The following PIGS variants were observed in gnomAD, a reference collection of about 807,000 sequenced individuals.
PIGS encodes the protein GPI-anchor transamidase component PIGS.
In PIGS, 37 loss-of-function variants were observed where a neutral mutation model predicts 58.2. The ratio of observed to expected loss-of-function variants is 0.64; its 90% CI spans 0.49 to 0.84. The LOEUF is 0.84. Ranked by LOEUF, PIGS falls within the 40% of genes least tolerant of loss-of-function variation. PIGS has a pLI of 0.00. For synonymous variants in PIGS, 269 were observed against 289.2 expected (o/e 0.93, Z 0.71); for missense variants, 629 against 710.8 (o/e 0.88, Z 1.31).
In PIGS at chr17:28,555,052, A is replaced by T. The variant is rs747896218; in HGVS notation, c.1191T>A (p.Phe397Leu). 1 of 1,612,608 alleles carries T rather than the reference A, an allele frequency of 6.2e-7. No homozygotes were observed. Among genetic ancestry groups the T allele is most frequent in the African/African-American group, 1.3e-5 (1 of 74,994 alleles). The change falls in exon 11 of 12, where the codon TTT becomes TTA. Residue 397 changes from phenylalanine (F) to leucine (L), a missense_variant. Coordinates refer to ENST00000308360, the MANE Select transcript of PIGS (RefSeq NM_033198.4). ...EVFLAQLRLLFGIAQPQLPPK... is the reference protein window; with the variant it reads ...EVFLAQLRLLLGIAQPQLPPK... ...GAGGCAGCTGGGGCTGAGCAATCCC[A>T]AAGAGCAACCTGTAGGAACATCGGA...
intron 3 of PIGS, among the ~76,000 whole-genome samples, chr17:28,569,474 CA>C (rs767305172): frequency 0.022 from 1,481 of 66,138 alleles, no homozygotes; most frequent in African/African-American, 0.042. Context: ...GACCCTTTCT[CA>C]AAAAAAAAAA....
At chr17:28,569,390 G>A (rs1055608313) in intron 3 of PIGS, among the ~76,000 whole-genome samples, 2 of 149,904 alleles carry the variant, frequency 1.3e-5, no homozygotes, top group South Asian at 2.1e-4. Flanking sequence ...TGGGAGGATC[G>A]CTTGAGCCCA....
chr17:28,561,929 G>T, intron 5 of PIGS: 1 of 300,234 alleles, frequency 3.3e-6, no homozygotes, highest in Non-Finnish European at 6.2e-6. Context: ...CAAGAAAAGC[G>T]GAATAAACAG....
At chr17:28,563,310 T>C in intron 5 of PIGS, 121 bp downstream of exon 5, 1 of 908,368 alleles carries the variant, frequency 1.1e-6, no homozygotes, top group Admixed American at 2.4e-5. Flanking sequence ...AAAAAATTTT[T>C]TTTTGGAGAG....
chr17:28,570,712 G>T, intron 3 of PIGS, 140 bp downstream of exon 3: 1 of 779,084 alleles, frequency 1.3e-6, no homozygotes, highest in Non-Finnish European at 2.1e-6. Context: ...GTTTTTTTCT[G>T]ACCAAACACA....
intron 3 of PIGS, among the ~76,000 whole-genome samples, chr17:28,564,502 T>A (rs2070383648): frequency 6.6e-6 from 1 of 151,868 alleles, no homozygotes; most frequent in African/African-American, 2.4e-5. Context: ...TCACCTGAGG[T>A]CAGGAGTTTG....
At chr17:28,560,630 T>C (rs763720679) in intron 6 of PIGS, among the ~76,000 whole-genome samples, 1 of 151,434 alleles carries the variant, frequency 6.6e-6, no homozygotes, top group Non-Finnish European at 1.5e-5. Flanking sequence ...ATACAAAAAT[T>C]AGCTAGGCAT....
chr17:28,564,699 G>A (rs1248988689), intron 3 of PIGS, among the ~76,000 whole-genome samples: 1 of 147,632 alleles, frequency 6.8e-6, no homozygotes, highest in East Asian at 2.0e-4. Flanking sequence ...TGGGCAACAA[G>A]AGCGAAACTC....
At chr17:28,566,544 G>C (rs1450287446) in intron 3 of PIGS, among the ~76,000 whole-genome samples, 1 of 150,908 alleles carries the variant, frequency 6.6e-6, no homozygotes, top group Non-Finnish European at 1.5e-5. Context: ...ACCCGCCTCA[G>C]CCTCCCAAAG....
chr17:28,554,620 A>G, intron 11 of PIGS, 125 bp from the exon 12 acceptor site: 2 of 1,311,406 alleles, frequency 1.5e-6, no homozygotes, highest in Non-Finnish European at 2.1e-6. Context: ...GGATCTATGG[A>G]AGTCTTTCTA....
Position 28,553,496 on chromosome 17 carries a change from C to T in PIGS, c.*724G>A, listed in dbSNP as rs2151510647. ...CACAACCATCTTGTAAGGGAGACAT[C>T]ATCAGTGCCATTTGAACAAATGAAA... On this transcript the variant is annotated 3_prime_UTR_variant, in exon 12 of 12. Transcript: ENST00000308360. The T allele has an allele frequency of 6.5e-6, 1 of 152,902 alleles. No individual in the cohort carries two copies. Among genetic ancestry groups the T allele is most frequent in the East Asian group, 1.9e-4 (1 of 5,194 alleles). The allele number at this position is 152,902 out of a possible 1,614,324, so 9.5% of individuals were successfully genotyped here.
intron 7 of PIGS, among the ~76,000 whole-genome samples, chr17:28,559,551 A>G (rs1160638257): frequency 1.3e-5 from 2 of 151,650 alleles, no homozygotes; most frequent in East Asian, 3.9e-4. Flanking sequence ...AAATACAAAA[A>G]TCAGCTGGGC....
chr17:28,553,525 T>G lies in PIGS; in HGVS notation c.*695A>C, dbSNP rs2070302939. 1 of 152,762 alleles carries G rather than the reference T, an allele frequency of 6.5e-6. No homozygotes were observed. The highest frequency in any genetic ancestry group is 6.5e-5 in the Admixed American group (1 of 15,274). 9.5% of individuals were successfully genotyped at this position (152,762 alleles called of 1,614,324 possible). ...AGTGCCATTTGAACAAATGAAAAAC[T>G]GAGGCTCAGAGAGATTCAATACCTT... is the stretch of plus-strand genomic sequence containing the variant. On this transcript the variant is annotated 3_prime_UTR_variant, in exon 12 of 12. Transcript: ENST00000308360.
intron 1 of PIGS, 40 bp downstream of exon 1, chr17:28,571,423 A>G: frequency 6.2e-7 from 1 of 1,605,516 alleles, no homozygotes; most frequent in Admixed American, 1.7e-5. Context: ...CTCCCTTGCC[A>G]TCAGCTAGCT....
At chr17:28,569,996 G>A (rs1310921490) in intron 3 of PIGS, among the ~76,000 whole-genome samples, 1 of 152,022 alleles carries the variant, frequency 6.6e-6, no homozygotes, top group Admixed American at 6.6e-5. Context: ...TTAAAAATCC[G>A]ACTTAAGAAT....
chr17:28,554,704 G>T, intron 11 of PIGS, 147 bp downstream of exon 11: 2 of 1,221,784 alleles, frequency 1.6e-6, no homozygotes, highest in Non-Finnish European at 2.4e-6. Context: ...TTGGGGGCTG[G>T]TACTGCCGTC....
Position 28,556,167 on chromosome 17 carries a change from G to T in PIGS, c.1180C>A (p.Arg394=). 2 of 1,611,548 alleles carry T rather than the reference G, an allele frequency of 1.2e-6. No individual in the cohort carries two copies. The highest frequency in any genetic ancestry group is 1.7e-6 in the Non-Finnish European group (2 of 1,177,762). ...CAAGTGGATCATCCAGGACCTCACC[G>T]CAACTGTGCCAGGAACACCTCCATC... ...RVMEVFLAQL[R]LLFGIAQPQL... The change falls in exon 10 of 12, where the codon CGG becomes AGG. Residue 394 remains arginine, a splice_region_variant and synonymous_variant. Coordinates refer to ENST00000308360, the MANE Select transcript of PIGS (RefSeq NM_033198.4).
At chr17:28,555,939 G>A (rs143438326) in intron 10 of PIGS, 47 of 459,790 alleles carry the variant, frequency 1.0e-4, no homozygotes, top group Middle Eastern at 6.2e-4. Context: ...ACTGCACTCC[G>A]GCCTGGGCAA....
Position 28,558,960 on chromosome 17 carries a change from G to A in PIGS, c.820-370C>T, listed in dbSNP as rs548534040. ...CGTGTTTTCCCTACAAGGAGACAGC[G>A]TGATACAGAAAGCTACATTCTTCAC... is the stretch of plus-strand genomic sequence containing the variant. On this transcript the variant is annotated intron_variant, in intron 7 of 11. Transcript: ENST00000308360. 7.9e-5 allele frequency among the ~76,000 whole-genome samples: 12 copies of A among 152,286 alleles called. No homozygotes were observed. The East Asian group carries it at 1.5e-3, about 20-fold the overall frequency.
Sources: gnomAD v4.1 joint callset for allele counts (sites outside exome capture counted in the v4.1 genomes callset) on GRCh38, gnomAD v4.1.1 for gene constraint, MANE v1.5 for transcripts, NCBI Gene and HGNC (gene_info 2026-07-23, HGNC 2026-07-21) for gene names.